The following TMOD3 variants were observed in gnomAD, a reference collection of about 807,000 sequenced individuals.
TMOD3 encodes tropomodulin-3.
TMOD3 carries 20 observed loss-of-function variants against 39.2 expected under a neutral mutation model. That is an observed-to-expected ratio of 0.51 (90% confidence interval 0.36 to 0.74). The LOEUF is 0.74. TMOD3 is among the 30% of genes least tolerant of loss of function. The pLI is 0.00. For synonymous variants in TMOD3, 143 were observed against 145.8 expected (o/e 0.98, Z 0.14); for missense variants, 381 against 412.8 (o/e 0.92, Z 0.67).
intron 2 of TMOD3, among the ~76,000 whole-genome samples, chr15:51,867,112 G>C (rs1677407145): frequency 1.3e-5 from 2 of 152,192 alleles, no homozygotes; most frequent in Non-Finnish European, 2.9e-5. Flanking sequence ...GACTGGAATG[G>C]AGAGGGTGTG....
chr15:51,835,619 T>C (rs1453403616), intron 1 of TMOD3, among the ~76,000 whole-genome samples: 3 of 152,186 alleles, frequency 2.0e-5, no homozygotes, highest in African/African-American at 7.2e-5. Flanking sequence ...TTAGTTTCCA[T>C]GTTTCTACTC....
At chr15:51,891,300 G>A (rs779644973) in intron 5 of TMOD3, among the ~76,000 whole-genome samples, 6 of 118,136 alleles carry the variant, frequency 5.1e-5, no homozygotes, top group African/African-American at 2.0e-4. Flanking sequence ...TTTATTTTTC[G>A]TAGAATTTTC....
intron 1 of TMOD3, among the ~76,000 whole-genome samples, chr15:51,862,013 C>T (rs2056421761): frequency 6.6e-6 from 1 of 152,148 alleles, no homozygotes; most frequent in Non-Finnish European, 1.5e-5. Context: ...TCCTTGGTTT[C>T]GCCTTTCCTA....
At chr15:51,845,689 C>G (rs922672352) in intron 1 of TMOD3, among the ~76,000 whole-genome samples, 1 of 152,010 alleles carries the variant, frequency 6.6e-6, no homozygotes, top group African/African-American at 2.4e-5. Flanking sequence ...CCCAGAAGGT[C>G]GAGGCTGCAG....
intron 3 of TMOD3, among the ~76,000 whole-genome samples, chr15:51,884,337 AAC>A (rs1452619315): frequency 6.6e-6 from 1 of 152,238 alleles, no homozygotes; most frequent in Non-Finnish European, 1.5e-5. Context: ...GCAAAAGGCA[AAC>A]ACATGTGCAG....
intron 3 of TMOD3, 124 bp from the exon 4 acceptor site, chr15:51,887,465 C>A (rs996995304): frequency 1.9e-6 from 2 of 1,068,468 alleles, no homozygotes; most frequent in Admixed American, 2.8e-5. Context: ...AGAGATAAAA[C>A]AAAATTACTG....
intron 3 of TMOD3, among the ~76,000 whole-genome samples, chr15:51,879,179 T>G (rs1049648289): frequency 6.6e-6 from 1 of 152,194 alleles, no homozygotes. Flanking sequence ...TACATTTAAA[T>G]TACTGTTATA....
At chr15:51,844,663 C>T (rs2056327245) in intron 1 of TMOD3, among the ~76,000 whole-genome samples, 1 of 152,200 alleles carries the variant, frequency 6.6e-6, no homozygotes. Context: ...ATTCTTACTA[C>T]ATTGACAGAA....
intron 8 of TMOD3, among the ~76,000 whole-genome samples, chr15:51,900,549 G>A (rs890941248): frequency 6.6e-6 from 1 of 152,206 alleles, no homozygotes; most frequent in East Asian, 1.9e-4. Context: ...AGTTTGAACT[G>A]AGAGGACTCT....
At chr15:51,902,205 G>A (rs1730799742) in intron 9 of TMOD3, among the ~76,000 whole-genome samples, 169 bp downstream of exon 9, 1 of 152,050 alleles carries the variant, frequency 6.6e-6, no homozygotes, top group Admixed American at 6.6e-5. Flanking sequence ...ATTAAAGTGA[G>A]GTTGTGATGA....
chr15:51,885,540 G>A (rs925167185), intron 3 of TMOD3, among the ~76,000 whole-genome samples: 16 of 152,124 alleles, frequency 1.1e-4, no homozygotes, highest in African/African-American at 3.9e-4. Flanking sequence ...AGCACATCTT[G>A]CACCGCCCTT....
chr15:51,882,308 G>GTGGGCAGATCACCTAAGGT (rs1242681644), intron 3 of TMOD3, among the ~76,000 whole-genome samples: 1 of 151,864 alleles, frequency 6.6e-6, no homozygotes, highest in Non-Finnish European at 1.5e-5. Flanking sequence ...GGAGGCCGAG[G>GTGGGCAGATCACCTAAGGT]CAGGTGGATC....
intron 1 of TMOD3, among the ~76,000 whole-genome samples, chr15:51,844,480 A>G (rs2056326551): frequency 6.6e-6 from 1 of 151,964 alleles, no homozygotes; most frequent in South Asian, 2.1e-4. Flanking sequence ...TTTCTAACCT[A>G]TTTTTTCTTA....
At chr15:51,838,980 G>T (rs2056299815) in intron 1 of TMOD3, among the ~76,000 whole-genome samples, 1 of 152,096 alleles carries the variant, frequency 6.6e-6, no homozygotes, top group Non-Finnish European at 1.5e-5. Flanking sequence ...TTGTTATGTT[G>T]TTTCTTTGGC....
rs780880056 is a variant in TMOD3 at position 51,896,550 on chromosome 15, C to A, written c.735+24C>A. Reference sequence around the variant, plus strand: ...CTGTAAGTAAGCGACTTGAGAATATCAAAATTATGACATGCCCAGGGTGTG... The same window carrying A: ...CTGTAAGTAAGCGACTTGAGAATATAAAAATTATGACATGCCCAGGGTGTG... On this transcript the variant is annotated intron_variant, in intron 7 of 9. Coordinates refer to ENST00000308580, the MANE Select transcript of TMOD3 (RefSeq NM_014547.5). 2.6e-6 allele frequency: 4 copies of A among 1,558,396 alleles called. No homozygotes were observed. The South Asian group carries it at 3.4e-5, about 13-fold the overall frequency.
Position 51,911,503 on chromosome 15 carries a change from G to T in TMOD3, c.*2693G>T, listed in dbSNP as rs944463546. The T allele has an allele frequency of 6.6e-6, 1 of 152,050 alleles. No homozygotes were observed. The highest frequency in any genetic ancestry group is 1.5e-5 in the Non-Finnish European group (1 of 68,000). The allele number at this position is 152,050 out of a possible 1,614,324, so 9.4% of individuals were successfully genotyped here. A position where few individuals can be genotyped will look rare whatever the true frequency, so the allele number is the denominator to read the frequency against. On this transcript the variant is annotated 3_prime_UTR_variant, in exon 10 of 10. Transcript: ENST00000308580. ...ATCTGGCACCTCTTAGTAACTTTCA[G>T]TATTTCTAAATTGCTCTAAAATTTT...
chr15:51,894,079 A>G (rs1337977415), intron 6 of TMOD3, 134 bp downstream of exon 6: 7 of 665,734 alleles, frequency 1.1e-5, no homozygotes, highest in Non-Finnish European at 1.3e-5. Flanking sequence ...GTATGCTAAC[A>G]TAGGTTTCTT....
chr15:51,859,162 A>G (rs1319173191), intron 1 of TMOD3: 6 of 697,922 alleles, frequency 8.6e-6, no homozygotes, highest in Non-Finnish European at 1.6e-5. Context: ...CTGTTTCACA[A>G]AGATGGCTGT....
chr15:51,834,436 C>G (rs997463057), intron 1 of TMOD3, among the ~76,000 whole-genome samples: 6 of 152,030 alleles, frequency 3.9e-5, no homozygotes, highest in African/African-American at 1.5e-4. Flanking sequence ...TGATTGATCT[C>G]AAAGTAATTA....
Sources: allele counts gnomAD v4.1 joint callset (sites outside exome capture counted in the v4.1 genomes callset), GRCh38; gene constraint gnomAD v4.1.1; transcripts MANE v1.5; gene names NCBI Gene and HGNC (gene_info 2026-07-23, HGNC 2026-07-21).